The following HSD3B2 variants were observed in gnomAD, a reference collection of about 807,000 sequenced individuals.
HSD3B2 encodes the protein 3 beta-hydroxysteroid dehydrogenase/Delta 5-->4-isomerase type 2.
Under a neutral mutation model 9.9 loss-of-function variants are expected in HSD3B2, and 8 were observed. The ratio of observed to expected loss-of-function variants is 0.81; its 90% CI spans 0.47 to 1.46. The LOEUF (loss-of-function observed/expected upper bound fraction) is 1.46. Among genes scored for constraint, HSD3B2 ranks in the 40% most tolerant of loss-of-function variants. The pLI is 0.00. For synonymous variants in HSD3B2, 221 were observed against 184.5 expected, an observed-to-expected ratio of 1.20 and a Z score of -1.60; for missense variants, 410 against 448.3, an observed-to-expected ratio of 0.91 and a Z score of 0.77.
Position 119,422,481 on chromosome 1 carries a change from C to G in HSD3B2, c.980C>G (p.Thr327Ser). 1 of 1,614,092 alleles carries G rather than the reference C, an allele frequency of 6.2e-7. No homozygotes were observed. The highest frequency in any genetic ancestry group is 1.1e-5 in the South Asian group (1 of 91,082). The change falls in exon 4 of 4, where the codon ACC becomes AGC. Residue 327 changes from threonine (T) to serine (S), a missense_variant. Coordinates refer to ENST00000369416, the MANE Select transcript of HSD3B2 (RefSeq NM_000198.4). ...GTCACATTATCAAATAGTGTGTTCA[C>G]CTTCTCTTACAAGAAGGCTCAGCGA... is the stretch of plus-strand genomic sequence containing the variant. ...HTVTLSNSVFTFSYKKAQRDL... is the reference protein window; with the variant it reads ...HTVTLSNSVFSFSYKKAQRDL...
intron 3 of HSD3B2, among the ~76,000 whole-genome samples, chr1:119,421,475 A>G (rs867626991): frequency 0.05 from 209 of 4,148 alleles, 14 homozygotes; most frequent in Middle Eastern, 0.25. Context: ...GTATATATAT[A>G]TGTATATATA....
Sources: allele counts gnomAD v4.1 joint callset (sites outside exome capture counted in the v4.1 genomes callset), GRCh38; gene constraint gnomAD v4.1.1; transcripts MANE v1.5; gene names NCBI Gene and HGNC (gene_info 2026-07-23, HGNC 2026-07-21).